STOX1: variants seen among roughly 807,000 people sequenced by gnomAD.
STOX1 encodes the protein storkhead box 1.
A neutral mutation model predicts 74.8 loss-of-function variants in STOX1; 57 were observed. The observed-to-expected ratio is 0.76, with a 90% CI of 0.62 to 0.95. STOX1 has a LOEUF of 0.95. STOX1 is among the 40% of genes least tolerant of loss of function. STOX1 has a pLI of 0.00. For missense variants in STOX1, 1,010 were observed against 1,117.0 expected (o/e 0.90, Z 1.37); for synonymous variants, 375 against 401.3 (o/e 0.93, Z 0.78).
chr10:68,846,927 T>G (rs1406521984), intron 1 of STOX1: 1 of 152,218 alleles, frequency 6.6e-6, no homozygotes, highest in Non-Finnish European at 1.5e-5. Context: ...AGGATTATGT[T>G]AAATCTATAG....
rs1218226698 is a variant in STOX1, at chr10:68,884,700, A to G, written c.904A>G (p.Thr302Ala). The change falls in exon 3 of 4, where the codon ACA becomes GCA. Residue 302 changes from threonine (T) to alanine (A), a missense_variant. Thr to Ala is a moderately conservative substitution (Grantham distance 58). Transcript: ENST00000298596. ...ICESTKPLPY[T>A]RDKEKGKKFG... The stretch of plus-strand genomic sequence containing the variant: ...TGAGAGCACCAAACCTTTACCATAC[A>G]CAAGAGATAAAGAAAAAGGCAAGAA... The G allele has an allele frequency of 1.9e-6, 3 of 1,614,056 alleles. No homozygotes were observed. The Admixed American group carries it at 5.0e-5, about 27-fold the overall frequency.
chr10:68,885,552 C>T lies in STOX1; in HGVS notation c.1756C>T (p.Pro586Ser). 6.2e-7 allele frequency: 1 copy of T among 1,614,152 alleles called. No homozygotes were observed. The highest frequency in any genetic ancestry group is 8.5e-7 in the Non-Finnish European group (1 of 1,180,028). ...DDFRGHLFSHPQQSMLQNDGK... is the reference protein window; with the variant it reads ...DDFRGHLFSHSQQSMLQNDGK... ...CTTCAGAGGTCACCTCTTCAGTCAC[C>T]CTCAACAGAGCATGTTGCAAAATGA... Residue 586 changes from proline to serine, a missense_variant, in exon 3 of 4, where the codon CCT becomes TCT. Pro to Ser is a moderately conservative substitution (Grantham distance 74, BLOSUM62 -1). Transcript: ENST00000298596.
At chr10:68,893,718 A>T (rs963970244), downstream of STOX1, among the ~76,000 whole-genome samples, 3 of 152,224 alleles carry the variant, frequency 2.0e-5, no homozygotes, top group Admixed American at 1.3e-4. Flanking sequence ...CACCTGACCC[A>T]GGCCTTCTTT....
chr10:68,831,477 G>A (rs912644355), intron 1 of STOX1, among the ~76,000 whole-genome samples: 1 of 152,086 alleles, frequency 6.6e-6, no homozygotes, highest in Non-Finnish European at 1.5e-5. Flanking sequence ...GAGCCACTGC[G>A]CCTGGCTAGA....
At chr10:68,865,953 T>C (rs1014188424) in intron 1 of STOX1, among the ~76,000 whole-genome samples, 2 of 152,088 alleles carry the variant, frequency 1.3e-5, no homozygotes, top group South Asian at 4.2e-4. Context: ...GGCTTAACAA[T>C]GGCCACCATC....
At chr10:68,878,773 C>T (rs1397171389) in intron 1 of STOX1, among the ~76,000 whole-genome samples, 1 of 152,216 alleles carries the variant, frequency 6.6e-6, no homozygotes, top group African/African-American at 2.4e-5. Context: ...CCTGGCCCCT[C>T]AACAACCAGT....
chr10:68,874,660 CA>C (rs545162403), intron 1 of STOX1, among the ~76,000 whole-genome samples: 3 of 128,696 alleles, frequency 2.3e-5, no homozygotes, highest in Non-Finnish European at 5.0e-5. Flanking sequence ...GACTCCGTCT[CA>C]AAAAAAAAAA....
At chr10:68,854,785 T>TG (rs1190340045) in intron 1 of STOX1, among the ~76,000 whole-genome samples, 2 of 152,132 alleles carry the variant, frequency 1.3e-5, no homozygotes, top group Non-Finnish European at 2.9e-5. Flanking sequence ...AGGGCACACA[T>TG]GGCACCCCTG....
rs553715606 is a variant in STOX1 at position 68,884,407 on chromosome 10, G to A, written c.611G>A (p.Arg204Lys). The A allele has an allele frequency of 1.9e-6, 3 of 1,614,072 alleles. No homozygotes were observed. In the African/African-American group the frequency reaches 4.0e-5, roughly 22 times the overall value. ...ITNTTTQENK[R>K]MLPSDESRLM... is the part of the protein sequence containing the mutation. The stretch of plus-strand genomic sequence containing the variant: ...AATACAACCACCCAGGAAAATAAGA[G>A]AATGCTGCCATCAGATGAAAGTCGC... Residue 204 changes from arginine (R) to lysine (K), a missense_variant, in exon 3 of 4, where the codon AGA becomes AAA. Transcript: ENST00000298596.
At chr10:68,870,289 C>T (rs879428934) in intron 1 of STOX1, among the ~76,000 whole-genome samples, 1 of 152,120 alleles carries the variant, frequency 6.6e-6, no homozygotes, top group Non-Finnish European at 1.5e-5. Flanking sequence ...CCTCCAGAAT[C>T]TTGGGAAGAA....
Position 68,840,207 on chromosome 10 carries a change from C to T in STOX1, c.310+12274C>T, listed in dbSNP as rs951282162. Among the ~76,000 whole-genome samples the T allele has an allele frequency of 2.6e-5, 4 of 152,058 alleles. 1 individual carries two copies. The highest frequency in any genetic ancestry group is 2.1e-4 in the South Asian group (1 of 4,824). ...ACTCAAAACGAGTTAAATCTAAGAC[C>T]GGACACTAAGACTCCTAGAAGAGAA... On this transcript the variant is annotated intron_variant, in intron 1 of 3. Coordinates refer to ENST00000298596, the MANE Select transcript of STOX1 (RefSeq NM_152709.5).
intron 1 of STOX1, among the ~76,000 whole-genome samples, chr10:68,841,751 G>A (rs960350594): frequency 9.2e-5 from 14 of 152,170 alleles, no homozygotes; most frequent in Middle Eastern, 3.2e-3. Context: ...CTCCATCCAA[G>A]AGGCAGGGGA....
chr10:68,855,725 G>A (rs1051196589), intron 1 of STOX1, among the ~76,000 whole-genome samples: 10 of 151,398 alleles, frequency 6.6e-5, no homozygotes, highest in East Asian at 1.9e-4. Context: ...GATTATAGGC[G>A]TAAGTCACTG....
At chr10:68,836,270 A>G (rs961698837) in intron 1 of STOX1, among the ~76,000 whole-genome samples, 12 of 152,322 alleles carry the variant, frequency 7.9e-5, no homozygotes, top group Admixed American at 1.3e-4. Flanking sequence ...ACAAATGAGG[A>G]CACAGTAGCC....
At chr10:68,835,732 C>T (rs748802854) in intron 1 of STOX1, among the ~76,000 whole-genome samples, 3 of 152,206 alleles carry the variant, frequency 2.0e-5, no homozygotes, top group South Asian at 2.1e-4. Context: ...TCCGCTTATG[C>T]GCATTCCTAC....
At chr10:68,887,595 C>T (rs1254521126) in intron 3 of STOX1, among the ~76,000 whole-genome samples, 1 of 116,454 alleles carries the variant, frequency 8.6e-6, no homozygotes, top group Non-Finnish European at 1.8e-5. Context: ...TATTTTCTTT[C>T]TTTTTTTTTT....
chr10:68,893,797 C>T (rs762396799), downstream of STOX1, among the ~76,000 whole-genome samples: 29 of 152,062 alleles, frequency 1.9e-4, no homozygotes, highest in African/African-American at 6.0e-4. Flanking sequence ...GAATGGTTAC[C>T]GAATGGCTTG....
chr10:68,829,861 C>T (rs894589288), intron 1 of STOX1, among the ~76,000 whole-genome samples: 4 of 152,218 alleles, frequency 2.6e-5, no homozygotes, highest in Non-Finnish European at 5.9e-5. Context: ...CCAAAATCCT[C>T]ACGAGCGAAG....
chr10:68,858,816 T>C (rs1285484821), intron 1 of STOX1, among the ~76,000 whole-genome samples: 2 of 152,072 alleles, frequency 1.3e-5, no homozygotes, highest in Non-Finnish European at 1.5e-5. Flanking sequence ...CCCTCTTCCA[T>C]CAGTAGGAGA....
Sources: gnomAD v4.1 joint callset for allele counts (sites outside exome capture counted in the v4.1 genomes callset) on GRCh38, gnomAD v4.1.1 for gene constraint, MANE v1.5 for transcripts, NCBI Gene and HGNC (gene_info 2026-07-23, HGNC 2026-07-21) for gene names.